IGF1R: variants seen among roughly 807,000 people sequenced by gnomAD.
The protein encoded by IGF1R is insulin-like growth factor 1 receptor.
A neutral mutation model predicts 144.6 loss-of-function variants in IGF1R; 44 were observed. The ratio of observed to expected loss-of-function variants is 0.30; its 90% CI spans 0.24 to 0.39. IGF1R has a LOEUF of 0.39. Ranked by LOEUF, IGF1R falls within the 10% of genes least tolerant of loss-of-function variation. The probability of loss-of-function intolerance (pLI) is 1.00; values close to 1 mark genes in which losing one functional copy is unlikely to be tolerated. For missense variants in IGF1R, 1,355 were observed against 1,833.7 expected (o/e 0.74, Z 4.77); for synonymous variants, 795 against 722.8 (o/e 1.10, Z -1.60).
intron 2 of IGF1R, among the ~76,000 whole-genome samples, chr15:98,740,681 GTA>G (rs2054717117): frequency 6.6e-6 from 1 of 152,200 alleles, no homozygotes; most frequent in Non-Finnish European, 1.5e-5. Context: ...TTGGTTAGTA[GTA>G]TTTTGGAGGC....
intron 1 of IGF1R, among the ~76,000 whole-genome samples, chr15:98,650,076 C>G (rs1210640036): frequency 2.6e-5 from 4 of 152,152 alleles, no homozygotes; most frequent in African/African-American, 4.8e-5. Context: ...CGCTGATCCC[C>G]TGCGGCGCGC....
chr15:98,834,732 G>C (rs1294539953), intron 2 of IGF1R, among the ~76,000 whole-genome samples: 1 of 152,200 alleles, frequency 6.6e-6, no homozygotes, highest in Non-Finnish European at 1.5e-5. Context: ...CTCAAGCATT[G>C]AGGGTCCAGA....
intron 1 of IGF1R, among the ~76,000 whole-genome samples, chr15:98,670,242 G>A (rs1224938966): frequency 2.0e-5 from 3 of 152,130 alleles, no homozygotes; most frequent in Non-Finnish European, 4.4e-5. Flanking sequence ...AAGAGCCCTG[G>A]AATTGGAGGA....
intron 3 of IGF1R, among the ~76,000 whole-genome samples, chr15:98,895,825 A>G (rs753428773): frequency 6.6e-6 from 1 of 152,258 alleles, no homozygotes; most frequent in Non-Finnish European, 1.5e-5. Flanking sequence ...AATAATGTAC[A>G]TATAATGGCT....
chr15:98,855,596 C>T (rs1012760573), intron 2 of IGF1R, among the ~76,000 whole-genome samples: 6 of 152,164 alleles, frequency 3.9e-5, no homozygotes, highest in African/African-American at 1.4e-4. Context: ...TTTTGTACCC[C>T]CGCTTGGCAA....
At chr15:98,823,055 C>T (rs2056830841) in intron 2 of IGF1R, among the ~76,000 whole-genome samples, 1 of 152,176 alleles carries the variant, frequency 6.6e-6, no homozygotes, top group Non-Finnish European at 1.5e-5. Context: ...TGCTTTTCTT[C>T]CCGTTCCCCC....
intron 2 of IGF1R, among the ~76,000 whole-genome samples, chr15:98,752,417 C>T (rs927361975): frequency 4.6e-5 from 7 of 152,172 alleles, no homozygotes; most frequent in African/African-American, 1.7e-4. Context: ...GGCACTGTGG[C>T]TCCCGCCTGT....
At chr15:98,710,261 C>T (rs77763178) in intron 2 of IGF1R, among the ~76,000 whole-genome samples, 24,461 of 152,142 alleles carry the variant, frequency 0.16, 2,277 homozygotes, top group Non-Finnish European at 0.2. Flanking sequence ...TGTGATTTCA[C>T]AATGGAGTAC....
chr15:98,802,500 G>A (rs902648604), intron 2 of IGF1R, among the ~76,000 whole-genome samples: 2 of 152,214 alleles, frequency 1.3e-5, no homozygotes, highest in Non-Finnish European at 2.9e-5. Context: ...CTTAAGGATG[G>A]AGAAAGGTGA....
intron 2 of IGF1R, among the ~76,000 whole-genome samples, chr15:98,830,322 T>G (rs962943596): frequency 2.6e-5 from 4 of 152,226 alleles, no homozygotes; most frequent in Non-Finnish European, 5.9e-5. Flanking sequence ...CCCTGAGCTT[T>G]CTTCTCCTTT....
intron 2 of IGF1R, among the ~76,000 whole-genome samples, chr15:98,761,056 T>G (rs888812839): frequency 6.6e-6 from 1 of 152,256 alleles, no homozygotes; most frequent in East Asian, 1.9e-4. Context: ...AGTCGGGGCC[T>G]AAACACCACC....
At chr15:98,665,243 G>A (rs569691382) in intron 1 of IGF1R, among the ~76,000 whole-genome samples, 6 of 152,232 alleles carry the variant, frequency 3.9e-5, no homozygotes, top group Non-Finnish European at 7.4e-5. Context: ...GAGCCACCGC[G>A]CCCGGCAGGA....
At chr15:98,885,203 C>T (rs780889534) in intron 2 of IGF1R, among the ~76,000 whole-genome samples, 14 of 152,174 alleles carry the variant, frequency 9.2e-5, no homozygotes, top group African/African-American at 2.7e-4. Context: ...GCTGAGTCCC[C>T]GAACCTGCCA....
At chr15:98,801,163 G>C (rs1004450000) in intron 2 of IGF1R, among the ~76,000 whole-genome samples, 37 of 152,114 alleles carry the variant, frequency 2.4e-4, no homozygotes, top group African/African-American at 8.9e-4. Context: ...CAACCTCAGA[G>C]CCCTCAAAGC....
intron 2 of IGF1R, among the ~76,000 whole-genome samples, chr15:98,755,348 T>C (rs1020194583): frequency 1.3e-5 from 2 of 152,096 alleles, no homozygotes; most frequent in Non-Finnish European, 2.9e-5. Flanking sequence ...AGTCATGTGG[T>C]TTCTTGTTTT....
chr15:98,876,327 A>T (rs1201286940), intron 2 of IGF1R, among the ~76,000 whole-genome samples: 1 of 137,314 alleles, frequency 7.3e-6, no homozygotes, highest in Non-Finnish European at 1.6e-5. Context: ...AAAAAAAAAA[A>T]GAGAGAGAGA....
intron 2 of IGF1R, among the ~76,000 whole-genome samples, chr15:98,851,785 G>C (rs957787894): frequency 1.3e-5 from 2 of 152,208 alleles, no homozygotes; most frequent in African/African-American, 4.8e-5. Context: ...ATCCTGTGTG[G>C]AAAAGGCAAG....
At chr15:98,712,486 G>C (rs988118357) in intron 2 of IGF1R, among the ~76,000 whole-genome samples, 1 of 151,932 alleles carries the variant, frequency 6.6e-6, no homozygotes, top group Non-Finnish European at 1.5e-5. Context: ...TTTCCCTCCC[G>C]AATGGAATGG....
intron 2 of IGF1R, among the ~76,000 whole-genome samples, chr15:98,857,177 A>T (rs1035715004): frequency 2.0e-5 from 3 of 152,056 alleles, no homozygotes; most frequent in Non-Finnish European, 2.9e-5. Flanking sequence ...CTATAAAGTG[A>T]CCCCACAATT....
Sources: allele counts gnomAD v4.1 joint callset (sites outside exome capture counted in the v4.1 genomes callset), GRCh38; gene constraint gnomAD v4.1.1; transcripts MANE v1.5; gene names NCBI Gene and HGNC (gene_info 2026-07-23, HGNC 2026-07-21).